Variants in RSPO2 observed in about 807,000 individuals in gnomAD.
The protein encoded by RSPO2 is R-spondin 2.
A neutral mutation model predicts 30.9 loss-of-function variants in RSPO2; 14 were observed. The ratio of observed to expected loss-of-function variants is 0.45; its 90% confidence interval spans 0.30 to 0.71. RSPO2 has a LOEUF of 0.71. Among genes scored for constraint, RSPO2 ranks in the 30% least tolerant of loss-of-function variants. RSPO2 has a pLI of 0.08. For missense variants in RSPO2, 264 were observed against 301.9 expected (o/e 0.87, Z 0.93); for synonymous variants, 107 against 96.4 (o/e 1.11, Z -0.64).
At chr8:107,978,327 C>T (rs1246034681) in intron 3 of RSPO2, among the ~76,000 whole-genome samples, 2 of 151,810 alleles carry the variant, frequency 1.3e-5, no homozygotes, top group Non-Finnish European at 2.9e-5. Context: ...CTTGGGAGGC[C>T]GAGGCAGGAG....
intron 2 of RSPO2, among the ~76,000 whole-genome samples, chr8:108,009,465 C>T (rs2130581140): frequency 6.6e-6 from 1 of 152,202 alleles, no homozygotes; most frequent in African/African-American, 2.4e-5. Context: ...AATATATAGA[C>T]AAGGCTCTAT....
rs1813281855 is a variant in RSPO2 at position 108,083,460 on chromosome 8, T to C, written c.-433A>G. 1 of 152,340 alleles carries C rather than the reference T, an allele frequency of 6.6e-6. No individual in the cohort carries two copies. Among genetic ancestry groups the C allele is most frequent in the Non-Finnish European group, 1.5e-5 (1 of 68,126 alleles). The allele number at this position is 152,340 out of a possible 1,614,324, so 9.4% of individuals were successfully genotyped here. On this transcript the variant is annotated 5_prime_UTR_variant, in exon 1 of 6. Transcript: ENST00000276659. ...GCAAGGGGTGCGCCCGCTCACACTC[T>C]CTGCCTCCCTAACCAATTGTGTCGC...
intron 5 of RSPO2, among the ~76,000 whole-genome samples, chr8:107,910,173 A>G (rs1478222026): frequency 6.6e-6 from 1 of 152,196 alleles, no homozygotes; most frequent in African/African-American, 2.4e-5. Context: ...AAATAATTCC[A>G]TTAGAACAAG....
intron 2 of RSPO2, among the ~76,000 whole-genome samples, chr8:108,036,671 A>G (rs2514838): frequency 0.66 from 99,813 of 152,136 alleles, 35,367 homozygotes; most frequent in African/African-American, 0.91. Context: ...GATATTGCAG[A>G]ATTCTTGCTG....
chr8:107,922,909 T>G (rs1812226247), intron 5 of RSPO2, among the ~76,000 whole-genome samples: 1 of 152,114 alleles, frequency 6.6e-6, no homozygotes, highest in South Asian at 2.1e-4. Flanking sequence ...ACTCCTTCCT[T>G]ACAGCATATA....
chr8:108,035,730 C>T (rs2130645569), intron 2 of RSPO2, among the ~76,000 whole-genome samples: 2 of 152,260 alleles, frequency 1.3e-5, no homozygotes, highest in African/African-American at 4.8e-5. Context: ...CTCGGCCTCC[C>T]AAAGTGCTGG....
rs191316607 is a variant in RSPO2 at position 107,899,516 on chromosome 8, T to A, written c.*1559A>T. On this transcript the variant is annotated 3_prime_UTR_variant, in exon 6 of 6. Transcript: ENST00000276659. Reference sequence around the variant, plus strand: ...TATACAACATTCATATGTGGCTTATTATCTCATAGCAATATTTTCATAACG... The same window carrying A: ...TATACAACATTCATATGTGGCTTATAATCTCATAGCAATATTTTCATAACG... 6.6e-6 allele frequency: 1 copy of A among 152,624 alleles called. No homozygotes were observed. Among genetic ancestry groups the A allele is most frequent in the Non-Finnish European group, 1.5e-5 (1 of 68,036 alleles). The allele number at this position is 152,624 out of a possible 1,614,324, so 9.5% of individuals were successfully genotyped here.
chr8:108,066,675 TTG>T (rs1487428192), intron 2 of RSPO2, among the ~76,000 whole-genome samples: 1 of 152,184 alleles, frequency 6.6e-6, no homozygotes, highest in Non-Finnish European at 1.5e-5. Flanking sequence ...CCTGGAAGAA[TTG>T]TGTTTCATAG....
At chr8:107,960,426 T>TA (rs542532693) in intron 4 of RSPO2, among the ~76,000 whole-genome samples, 25 of 151,312 alleles carry the variant, frequency 1.7e-4, no homozygotes, top group East Asian at 5.8e-4. Flanking sequence ...CACGGATGAT[T>TA]AAAAAAAAAC....
At chr8:107,966,483 A>G (rs2130457808) in intron 3 of RSPO2, among the ~76,000 whole-genome samples, 1 of 152,328 alleles carries the variant, frequency 6.6e-6, no homozygotes, top group South Asian at 2.1e-4. Flanking sequence ...CAGAAAGTTA[A>G]CCTTCCTGAA....
chr8:108,070,120 T>C (rs774779811), intron 2 of RSPO2, among the ~76,000 whole-genome samples: 3 of 152,276 alleles, frequency 2.0e-5, no homozygotes, highest in Non-Finnish European at 2.9e-5. Context: ...AGCATATTAC[T>C]GAAGTTTACA....
chr8:107,965,720 AAATG>A (rs1287517660), intron 3 of RSPO2, among the ~76,000 whole-genome samples: 113 of 152,316 alleles, frequency 7.4e-4, no homozygotes, highest in African/African-American at 2.5e-3. Context: ...CTTGCTAAGT[AAATG>A]AACATGAATG....
At chr8:108,064,042 A>G (rs1174650481) in intron 2 of RSPO2, among the ~76,000 whole-genome samples, 1 of 152,226 alleles carries the variant, frequency 6.6e-6, no homozygotes, top group East Asian at 1.9e-4. Flanking sequence ...GATGGATTAA[A>G]GACTTAAACG....
At chr8:107,909,259 GTTTTTT>G (rs11292252) in intron 5 of RSPO2, among the ~76,000 whole-genome samples, 2 of 91,616 alleles carry the variant, frequency 2.2e-5, no homozygotes, top group South Asian at 3.5e-4. Context: ...TTTCCCAGTT[GTTTTTT>G]TTTTTTTTTT....
intron 5 of RSPO2, among the ~76,000 whole-genome samples, chr8:107,909,148 T>A (rs981871271): frequency 6.6e-6 from 1 of 152,088 alleles, no homozygotes; most frequent in Non-Finnish European, 1.5e-5. Context: ...ATGAAGCAAC[T>A]GAAGCACAGA....
intron 2 of RSPO2, among the ~76,000 whole-genome samples, chr8:108,052,778 G>C (rs938087040): frequency 1.3e-5 from 2 of 152,008 alleles, no homozygotes; most frequent in African/African-American, 4.8e-5. Context: ...TGAAATAATC[G>C]GATCAACATT....
intron 2 of RSPO2, among the ~76,000 whole-genome samples, chr8:108,063,070 A>G (rs1018405717): frequency 6.6e-6 from 1 of 151,856 alleles, no homozygotes; most frequent in Non-Finnish European, 1.5e-5. Flanking sequence ...CCCACAGCCA[A>G]TATCATACTG....
intron 2 of RSPO2, among the ~76,000 whole-genome samples, chr8:108,059,155 A>C (rs1434297413): frequency 6.6e-6 from 1 of 151,882 alleles, no homozygotes; most frequent in Non-Finnish European, 1.5e-5. Flanking sequence ...ATTTACAAGA[A>C]AAAAATAAAC....
intron 2 of RSPO2, among the ~76,000 whole-genome samples, chr8:108,055,057 G>A (rs1273231730): frequency 1.3e-5 from 2 of 152,182 alleles, no homozygotes; most frequent in Non-Finnish European, 2.9e-5. Flanking sequence ...GGAGGTCGAG[G>A]CTACAGTGAG....
Sources: gnomAD v4.1 joint callset for allele counts (sites outside exome capture counted in the v4.1 genomes callset) on GRCh38, gnomAD v4.1.1 for gene constraint, MANE v1.5 for transcripts, NCBI Gene and HGNC (gene_info 2026-07-23, HGNC 2026-07-21) for gene names.